The following CA13 variants were observed in gnomAD, a reference collection of about 807,000 sequenced individuals.
The protein encoded by CA13 is CA-XIII.
Under a neutral mutation model 31.5 loss-of-function variants are expected in CA13, and 21 were observed. The ratio of observed to expected loss-of-function variants is 0.67; its 90% CI spans 0.47 to 0.96. The LOEUF (loss-of-function observed/expected upper bound fraction) is 0.96, where lower values mean the gene tolerates loss of function less well. Among genes scored for constraint, CA13 ranks in the 40% least tolerant of loss-of-function variants. The pLI, the probability that CA13 is intolerant of heterozygous loss-of-function variation, is 0.00. For missense variants in CA13, 315 were observed against 318.9 expected, an observed-to-expected ratio of 0.99 and a Z score of 0.09; for synonymous variants, 117 against 111.4, an observed-to-expected ratio of 1.05 and a Z score of -0.32.
intron 6 of CA13, among the ~76,000 whole-genome samples, chr8:85,278,230 C>A (rs367566676): frequency 7.6e-5 from 9 of 119,022 alleles, no homozygotes; most frequent in African/African-American, 2.6e-4. Context: ...TATGCCACTG[C>A]AATCCAGCCT....
rs761697676 is a variant in CA13 at position 85,256,950 on chromosome 8, T to C, written c.236-2471T>C. ...ACATCTGTGTCCTTTGGTTTCTCTC[T>C]CTCTCTCCCTCTCTGTCTTTGTCTT... On this transcript the variant is annotated intron_variant, in intron 2 of 6. Transcript: ENST00000321764. Among the ~76,000 whole-genome samples the C allele has an allele frequency of 2.0e-4, 30 of 152,294 alleles. 2 individuals are homozygous for C. The highest frequency in any genetic ancestry group is 6.8e-3 in the Middle Eastern group (2 of 294).
rs75717334 is a variant in CA13 at position 85,245,743 on chromosome 8, G to T, written c.-86G>T. On this transcript the variant is annotated 5_prime_UTR_variant, in exon 1 of 7. Transcript: ENST00000321764. Reference sequence around the variant, plus strand: ...GCCGGCGCCCCGCGGTCCCGCCCTAGCAGGCTCCTTCCCGGGCCCCTCCCC... The same window carrying T: ...GCCGGCGCCCCGCGGTCCCGCCCTATCAGGCTCCTTCCCGGGCCCCTCCCC... The T allele has an allele frequency of 3.1e-4, 472 of 1,510,766 alleles. 5 individuals are homozygous for T. In the East Asian group the frequency reaches 0.01, roughly 34 times the overall value. The allele number at this position is 1,510,766 out of a possible 1,614,324, so 93.6% of individuals were successfully genotyped here. A position where few individuals can be genotyped will look rare whatever the true frequency, so the allele number is the denominator to read the frequency against.
chr8:85,253,019 C>T (rs1341692841), intron 2 of CA13, among the ~76,000 whole-genome samples: 2 of 151,660 alleles, frequency 1.3e-5, no homozygotes, highest in Non-Finnish European at 2.9e-5. Context: ...AGTCTCGGCT[C>T]ACCGCAACCT....
intron 2 of CA13, among the ~76,000 whole-genome samples, chr8:85,253,892 A>G (rs1807237142): frequency 6.6e-6 from 1 of 152,170 alleles, no homozygotes; most frequent in Non-Finnish European, 1.5e-5. Flanking sequence ...TTCTAAATAC[A>G]AAGTTTATAC....
intron 6 of CA13, among the ~76,000 whole-genome samples, chr8:85,278,064 C>G (rs1394795136): frequency 6.6e-6 from 1 of 151,428 alleles, no homozygotes; most frequent in Non-Finnish European, 1.5e-5. Flanking sequence ...AGTTCAAGAC[C>G]AGTCTGGCCA....
intron 6 of CA13, among the ~76,000 whole-genome samples, chr8:85,276,335 G>C (rs1200047735): frequency 6.6e-6 from 1 of 152,176 alleles, no homozygotes; most frequent in Admixed American, 6.5e-5. Flanking sequence ...TGTGCGGCCC[G>C]AGCTTCCCCA....
intron 2 of CA13, among the ~76,000 whole-genome samples, chr8:85,256,951 CT>C (rs1807307377): frequency 6.6e-6 from 1 of 152,208 alleles, no homozygotes; most frequent in African/African-American, 2.4e-5. Flanking sequence ...GTTTCTCTCT[CT>C]CTCTCCCTCT....
At chr8:85,263,128 G>A (rs533826324) in intron 3 of CA13, among the ~76,000 whole-genome samples, 2 of 152,246 alleles carry the variant, frequency 1.3e-5, no homozygotes, top group East Asian at 3.9e-4. Context: ...GGAGCAGCAA[G>A]CTCAAGTTCT....
intron 3 of CA13, among the ~76,000 whole-genome samples, chr8:85,259,882 A>G (rs1289867649): frequency 6.6e-6 from 1 of 152,198 alleles, no homozygotes; most frequent in African/African-American, 2.4e-5. Flanking sequence ...GTTTCTATCT[A>G]CTGAAAGGCC....
intron 3 of CA13, among the ~76,000 whole-genome samples, chr8:85,263,605 T>C (rs943162923): frequency 1.1e-4 from 17 of 152,266 alleles, no homozygotes; most frequent in Admixed American, 8.5e-4. Flanking sequence ...AAACAGGAGT[T>C]TAGAAACACT....
At chr8:85,252,069 G>T (rs550850291) in intron 2 of CA13, among the ~76,000 whole-genome samples, 2 of 152,184 alleles carry the variant, frequency 1.3e-5, no homozygotes, top group East Asian at 3.9e-4. Flanking sequence ...ACCAGCTTGG[G>T]CAACATAGTG....
rs370406610 is a variant in CA13, at chr8:85,246,910, T to C, written c.37+1045T>C. Among the ~76,000 whole-genome samples, 78 of 152,320 alleles carry C rather than the reference T, an allele frequency of 5.1e-4. 2 individuals are homozygous for C. In the East Asian group the frequency reaches 8.3e-3, roughly 16 times the overall value. On this transcript the variant is annotated intron_variant, in intron 1 of 6. Transcript: ENST00000321764. ...TAATAATGCTTTCCTTCTATTAGCATGTACATGATTAAACAGTATAGAATG... is the reference window on the plus strand; with the variant it reads ...TAATAATGCTTTCCTTCTATTAGCACGTACATGATTAAACAGTATAGAATG...
intron 6 of CA13, among the ~76,000 whole-genome samples, chr8:85,275,445 T>C (rs1295855658): frequency 6.6e-6 from 1 of 152,080 alleles, no homozygotes; most frequent in Non-Finnish European, 1.5e-5. Context: ...TCATACGGGC[T>C]CCCCTGCATA....
chr8:85,277,922 G>A (rs1052588787), intron 6 of CA13, among the ~76,000 whole-genome samples: 5 of 152,140 alleles, frequency 3.3e-5, no homozygotes, highest in African/African-American at 1.2e-4. Context: ...GCTGGAGCAA[G>A]TGGCCTTGCA....
intron 1 of CA13, 67 bp downstream of exon 1, chr8:85,245,932 G>A (rs1489734978): frequency 2.5e-6 from 4 of 1,573,812 alleles, no homozygotes; most frequent in East Asian, 2.2e-5. Flanking sequence ...GCGACGCCCC[G>A]GCGCTCGCTG....
intron 3 of CA13, among the ~76,000 whole-genome samples, chr8:85,260,257 C>T (rs1807358512): frequency 6.6e-6 from 1 of 152,044 alleles, no homozygotes; most frequent in African/African-American, 2.4e-5. Context: ...AAGAACAAAG[C>T]ATAATAAGCT....
Position 85,245,561 on chromosome 8 carries a change from C to G in CA13, c.-268C>G. 2.0e-6 allele frequency: 1 copy of G among 497,372 alleles called. No individual in the cohort carries two copies. The highest frequency in any genetic ancestry group is 3.6e-6 in the Non-Finnish European group (1 of 281,246). 30.8% of individuals were successfully genotyped at this position (497,372 alleles called of 1,614,324 possible). A position where few individuals can be genotyped will look rare whatever the true frequency, so the allele number is the denominator to read the frequency against. The stretch of plus-strand genomic sequence containing the variant: ...GGAAACCTTTCTCTCTCCGTCTCTC[C>G]CTCTAACTCAAATCTCTCATTCCCG... On this transcript the variant is annotated 5_prime_UTR_variant, in exon 1 of 7. Transcript: ENST00000321764.
At chr8:85,249,123 T>C (rs377282265) in intron 1 of CA13, among the ~76,000 whole-genome samples, 8 of 152,344 alleles carry the variant, frequency 5.3e-5, no homozygotes, top group East Asian at 1.9e-4. Context: ...GCTATGACTT[T>C]TTGTGCCTGA....
intron 6 of CA13, among the ~76,000 whole-genome samples, chr8:85,275,125 G>A (rs1013950762): frequency 6.6e-6 from 1 of 152,160 alleles, no homozygotes; most frequent in African/African-American, 2.4e-5. Context: ...GGGTTGTGGT[G>A]TTTGTACAGT....
Sources: allele counts gnomAD v4.1 joint callset (sites outside exome capture counted in the v4.1 genomes callset), GRCh38; gene constraint gnomAD v4.1.1; transcripts MANE v1.5; gene names NCBI Gene and HGNC (gene_info 2026-07-23, HGNC 2026-07-21).